The following OPCML variants were observed in gnomAD, a reference collection of about 807,000 sequenced individuals.
The protein encoded by OPCML is opioid binding protein/cell adhesion molecule like.
OPCML carries 13 observed loss-of-function variants against 37.8 expected under a neutral mutation model. That is an observed-to-expected ratio of 0.34 (90% confidence interval 0.22 to 0.55). The LOEUF (loss-of-function observed/expected upper bound fraction) is 0.55, where lower values mean the gene tolerates loss of function less well. Among genes scored for constraint, OPCML ranks in the 20% least tolerant of loss-of-function variants. The pLI is 0.91. For missense variants in OPCML, 341 were observed against 435.6 expected (o/e 0.78, Z 1.93); for synonymous variants, 176 against 168.8 (o/e 1.04, Z -0.33).
intron 1 of OPCML, among the ~76,000 whole-genome samples, chr11:133,095,287 T>TG (rs1948982897): frequency 6.9e-6 from 1 of 144,148 alleles, no homozygotes; most frequent in African/African-American, 2.6e-5. Flanking sequence ...GTTTTTTTTT[T>TG]TTTTTTTTTT....
intron 4 of OPCML, among the ~76,000 whole-genome samples, chr11:132,439,212 G>GGGTGC (rs2096023514): frequency 6.6e-6 from 1 of 152,166 alleles, no homozygotes; most frequent in Non-Finnish European, 1.5e-5. Flanking sequence ...AGTGGCTGAA[G>GGGTGC]GGTGCAGGGT....
At chr11:133,193,056 C>A (rs1332212638) in intron 1 of OPCML, among the ~76,000 whole-genome samples, 2 of 151,770 alleles carry the variant, frequency 1.3e-5, no homozygotes, top group African/African-American at 4.8e-5. Context: ...GCCTCCCTGA[C>A]CAAAAAAAAC....
At chr11:133,411,113 T>G (rs768358442) in intron 1 of OPCML, among the ~76,000 whole-genome samples, 12 of 152,080 alleles carry the variant, frequency 7.9e-5, no homozygotes, top group Non-Finnish European at 1.8e-4. Flanking sequence ...GTCAAGGTGA[T>G]GCTGGGACCT....
chr11:133,006,296 C>A (rs1187719038), intron 1 of OPCML: 1 of 512,882 alleles, frequency 1.9e-6, no homozygotes, highest in Non-Finnish European at 2.5e-6. Flanking sequence ...GAGAGAGATT[C>A]CCTGTTTCCC....
At chr11:133,474,610 G>T (rs931738544) in intron 1 of OPCML, among the ~76,000 whole-genome samples, 8 of 152,224 alleles carry the variant, frequency 5.3e-5, no homozygotes, top group Non-Finnish European at 1.0e-4. Context: ...GCGGCTGGGG[G>T]TATGGGGCAA....
chr11:132,898,382 A>G lies in OPCML; in HGVS notation c.146+44544T>C, dbSNP rs551144419. Reference sequence around the variant, plus strand: ...CTCACAAAATGCCTTATCCACGCTCATGGTATTTCACACAGTGTATCTACT... The same window carrying G: ...CTCACAAAATGCCTTATCCACGCTCGTGGTATTTCACACAGTGTATCTACT... On this transcript the variant is annotated intron_variant, in intron 2 of 7. Transcript: ENST00000524381. Among the ~76,000 whole-genome samples the G allele has an allele frequency of 4.5e-4, 69 of 152,292 alleles. 1 individual carries two copies. Among genetic ancestry groups the G allele is most frequent in the African/African-American group, 1.6e-3 (67 of 41,566 alleles).
intron 4 of OPCML, among the ~76,000 whole-genome samples, chr11:132,488,348 G>A (rs2096206293): frequency 6.6e-6 from 1 of 152,144 alleles, no homozygotes; most frequent in African/African-American, 2.4e-5. Context: ...ACCCTAGAGT[G>A]CACTTACACA....
At chr11:132,792,570 CT>C (rs1423634762) in intron 2 of OPCML, among the ~76,000 whole-genome samples, 3 of 152,126 alleles carry the variant, frequency 2.0e-5, no homozygotes, top group Non-Finnish European at 2.9e-5. Flanking sequence ...CGTCTTTTTG[CT>C]GCGCCATTTC....
At chr11:133,520,248 G>A (rs1175668870) in intron 1 of OPCML, among the ~76,000 whole-genome samples, 1 of 152,058 alleles carries the variant, frequency 6.6e-6, no homozygotes, top group Non-Finnish European at 1.5e-5. Context: ...TGCGTGGGAG[G>A]TTCCTGGTCT....
At chr11:132,783,776 G>A (rs926140461) in intron 2 of OPCML, among the ~76,000 whole-genome samples, 6 of 152,086 alleles carry the variant, frequency 3.9e-5, no homozygotes, top group Non-Finnish European at 8.8e-5. Flanking sequence ...ATCTAAGTGA[G>A]ACAAAGTACA....
rs143911356 is a variant in OPCML, at chr11:132,908,064, G to T, written c.146+34862C>A. Among the ~76,000 whole-genome samples the T allele has an allele frequency of 1.5e-3, 227 of 152,260 alleles. 1 individual carries two copies. The highest frequency in any genetic ancestry group is 5.2e-3 in the African/African-American group (215 of 41,528). The stretch of plus-strand genomic sequence containing the variant: ...ATTTGTAGTCAGGGATTTCTAAAAA[G>T]AAGTTGATGGTCACCATGACCAATA... On this transcript the variant is annotated intron_variant, in intron 2 of 7. Transcript: ENST00000524381.
At chr11:133,224,962 A>G (rs1459471895) in intron 1 of OPCML, among the ~76,000 whole-genome samples, 2 of 152,130 alleles carry the variant, frequency 1.3e-5, no homozygotes, top group African/African-American at 4.8e-5. Context: ...TGCAAGTTTC[A>G]CAGCACTGAA....
intron 1 of OPCML, among the ~76,000 whole-genome samples, chr11:133,397,740 T>C (rs879194275): frequency 1.1e-4 from 16 of 152,170 alleles, no homozygotes; most frequent in Non-Finnish European, 2.4e-4. Flanking sequence ...CTGTGAGAGA[T>C]AGTGTGGGGT....
intron 1 of OPCML, among the ~76,000 whole-genome samples, chr11:133,103,987 T>C (rs1949122329): frequency 6.6e-6 from 1 of 152,226 alleles, no homozygotes; most frequent in Admixed American, 6.5e-5. Context: ...GAAAGAGATA[T>C]AATAGCTGTT....
chr11:133,149,085 G>A (rs534130442), intron 1 of OPCML, among the ~76,000 whole-genome samples: 1 of 152,262 alleles, frequency 6.6e-6, no homozygotes, highest in East Asian at 1.9e-4. Flanking sequence ...ACTGGGAAAA[G>A]CAACAGACCC....
intron 1 of OPCML, among the ~76,000 whole-genome samples, chr11:132,954,348 A>C (rs1242097514): frequency 7.1e-6 from 1 of 141,764 alleles, no homozygotes; most frequent in Non-Finnish European, 1.5e-5. Flanking sequence ...TCTCAAAATG[A>C]GGCCATTAAA....
intron 1 of OPCML, among the ~76,000 whole-genome samples, chr11:133,463,444 A>G (rs1591529630): frequency 6.6e-6 from 1 of 152,194 alleles, no homozygotes; most frequent in South Asian, 2.1e-4. Flanking sequence ...TTATTTTAAA[A>G]AGACAATAAC....
chr11:133,400,129 T>C (rs1462756058), intron 1 of OPCML, among the ~76,000 whole-genome samples: 1 of 152,150 alleles, frequency 6.6e-6, no homozygotes, highest in East Asian at 1.9e-4. Flanking sequence ...TGCTTCAGCT[T>C]TTCCGACCCA....
intron 1 of OPCML, among the ~76,000 whole-genome samples, chr11:132,974,508 G>A (rs1226912201): frequency 2.6e-5 from 4 of 152,206 alleles, no homozygotes; most frequent in Non-Finnish European, 5.9e-5. Context: ...AACAACAGAT[G>A]CTGGAGAGGA....
Sources: gnomAD v4.1 joint callset for allele counts (sites outside exome capture counted in the v4.1 genomes callset) on GRCh38, gnomAD v4.1.1 for gene constraint, MANE v1.5 for transcripts, NCBI Gene and HGNC (gene_info 2026-07-23, HGNC 2026-07-21) for gene names.